The following POU6F2 variants were observed in gnomAD, a reference collection of about 807,000 sequenced individuals.
POU6F2 encodes POU class 6 homeobox 2, also known as POU domain, class 6, transcription factor 2.
A neutral mutation model predicts 71.3 loss-of-function variants in POU6F2; 31 were observed. That is an observed-to-expected ratio of 0.43 (90% confidence interval 0.33 to 0.59). POU6F2 has a LOEUF of 0.59. Ranked by LOEUF, POU6F2 falls within the 20% of genes least tolerant of loss-of-function variation. The probability of loss-of-function intolerance (pLI) is 0.04; values close to 1 mark genes in which losing one functional copy is unlikely to be tolerated. For synonymous variants in POU6F2, 347 were observed against 355.7 expected (o/e 0.98, Z 0.27); for missense variants, 783 against 856.8 (o/e 0.91, Z 1.07).
At chr7:39,193,766 G>C (rs1164980871) in intron 2 of POU6F2, among the ~76,000 whole-genome samples, 3 of 152,208 alleles carry the variant, frequency 2.0e-5, no homozygotes, top group Non-Finnish European at 4.4e-5. Context: ...ATAAAGACGT[G>C]ATCCTGCCAT....
intron 4 of POU6F2, among the ~76,000 whole-genome samples, chr7:39,275,886 T>G (rs999577131): frequency 2.6e-5 from 4 of 151,778 alleles, no homozygotes; most frequent in Non-Finnish European, 5.9e-5. Context: ...CCTTACACCT[T>G]ATACAAAAAT....
intron 8 of POU6F2, among the ~76,000 whole-genome samples, chr7:39,458,784 C>T (rs1047967163): frequency 4.6e-5 from 7 of 152,076 alleles, no homozygotes; most frequent in Non-Finnish European, 1.0e-4. Flanking sequence ...ACTCCTAGCA[C>T]GAACTCCTGC....
At chr7:39,199,386 A>G (rs549243451) in intron 2 of POU6F2, among the ~76,000 whole-genome samples, 10 of 152,368 alleles carry the variant, frequency 6.6e-5, no homozygotes, top group African/African-American at 2.4e-4. Flanking sequence ...AAAAGAGGGA[A>G]CAATTCAAAA....
At chr7:39,367,030 T>G (rs1786515918) in intron 5 of POU6F2, among the ~76,000 whole-genome samples, 1 of 151,910 alleles carries the variant, frequency 6.6e-6, no homozygotes, top group African/African-American at 2.4e-5. Flanking sequence ...TTTACAAAGA[T>G]AGAGGGGGAG....
chr7:39,236,729 T>C (rs1014506631), intron 4 of POU6F2, among the ~76,000 whole-genome samples: 7 of 152,086 alleles, frequency 4.6e-5, no homozygotes, highest in Non-Finnish European at 8.8e-5. Context: ...AAATATCTCA[T>C]ATACAATTCT....
intron 5 of POU6F2, among the ~76,000 whole-genome samples, chr7:39,361,223 G>A (rs1461225020): frequency 2.0e-5 from 3 of 152,130 alleles, no homozygotes; most frequent in Non-Finnish European, 4.4e-5. Flanking sequence ...TCTGCAAAGC[G>A]GACTCCTTGA....
chr7:39,437,265 T>A (rs1234771793), intron 7 of POU6F2, among the ~76,000 whole-genome samples: 8 of 152,230 alleles, frequency 5.3e-5, no homozygotes, highest in Admixed American at 5.2e-4. Flanking sequence ...CTTTTTTTGG[T>A]TGGTAGGCTA....
At chr7:39,194,977 A>G (rs1007778286) in intron 2 of POU6F2, among the ~76,000 whole-genome samples, 19 of 152,276 alleles carry the variant, frequency 1.2e-4, no homozygotes, top group South Asian at 2.1e-4. Context: ...AACTCCGCAC[A>G]CACCATCTTT....
At chr7:39,291,208 T>C (rs1361331114) in intron 4 of POU6F2, among the ~76,000 whole-genome samples, 1 of 152,258 alleles carries the variant, frequency 6.6e-6, no homozygotes, top group East Asian at 1.9e-4. Context: ...CACCACTGTC[T>C]TTCATTTTAG....
intron 6 of POU6F2, among the ~76,000 whole-genome samples, chr7:39,430,030 C>T (rs1049591996): frequency 6.6e-6 from 1 of 152,124 alleles, no homozygotes; most frequent in African/African-American, 2.4e-5. Flanking sequence ...TGGAGGAGTT[C>T]TGATTAGATC....
At chr7:39,070,647 GC>G (rs1790860210) in intron 1 of POU6F2, among the ~76,000 whole-genome samples, 1 of 151,858 alleles carries the variant, frequency 6.6e-6, no homozygotes, top group Admixed American at 6.6e-5. Context: ...CCAGCGCAGG[GC>G]CTTTCCCTCC....
intron 4 of POU6F2, among the ~76,000 whole-genome samples, chr7:39,285,100 A>T (rs1277114826): frequency 6.6e-6 from 1 of 152,348 alleles, no homozygotes; most frequent in East Asian, 1.9e-4. Context: ...CTTGGCCAGA[A>T]AGCGACAAAT....
rs747050187 is a variant in POU6F2 at position 39,464,624 on chromosome 7, C to A, written c.2101C>A (p.His701Asn). The A allele has an allele frequency of 5.0e-6, 8 of 1,608,812 alleles. No homozygotes were observed. The highest frequency in any genetic ancestry group is 6.8e-6 in the Non-Finnish European group (8 of 1,177,750). Reference sequence around the variant, plus strand: ...GAACACAATTAAACGCTTAAAACAGCACGAGCCGGCCACGGCAGTCCCTTT... The same window carrying A: ...GAACACAATTAAACGCTTAAAACAGAACGAGCCGGCCACGGCAGTCCCTTT... Reference protein sequence around the residue: ...LKNTIKRLKQHEPATAVPLEP... With the variant: ...LKNTIKRLKQNEPATAVPLEP... The change falls in exon 10 of 10, where the codon CAC (histidine) becomes AAC (asparagine). Residue 701 changes from histidine (H) to asparagine (N), a missense_variant. His to Asn is a moderately conservative substitution (Grantham distance 68). Around this residue, in one of 2 missense-constraint regions of POU6F2, gnomAD observed 211 missense variants for 283.9 expected, o/e 0.74. Coordinates refer to ENST00000518318, the MANE Select transcript of POU6F2 (RefSeq NM_001370959.1). This position sits in a 1 kb window ranked among gnomAD's most constrained non-coding sequence, Gnocchi z 4.1.
chr7:39,100,995 C>T (rs1036532818), intron 2 of POU6F2, among the ~76,000 whole-genome samples: 2 of 152,020 alleles, frequency 1.3e-5, no homozygotes, highest in Non-Finnish European at 1.5e-5. Context: ...AGCTCTGACC[C>T]GCCTTTCCAC....
At chr7:39,152,144 A>G (rs1176150109) in intron 2 of POU6F2, among the ~76,000 whole-genome samples, 1 of 152,096 alleles carries the variant, frequency 6.6e-6, no homozygotes, top group Non-Finnish European at 1.5e-5. Flanking sequence ...CTGGAGTCCA[A>G]AAGTATCATG....
At chr7:39,427,781 A>G (rs1200259571) in intron 6 of POU6F2, among the ~76,000 whole-genome samples, 1 of 152,216 alleles carries the variant, frequency 6.6e-6, no homozygotes, top group Non-Finnish European at 1.5e-5. Context: ...TTACTTGTCA[A>G]TTTGACGTCT....
chr7:39,027,055 G>A (rs1248210812), intron 1 of POU6F2, among the ~76,000 whole-genome samples: 1 of 152,032 alleles, frequency 6.6e-6, no homozygotes, highest in Admixed American at 6.6e-5. Context: ...GATTGAAAGT[G>A]GTATCAAGTA....
At position 39,204,306 on chromosome 7, in the gene POU6F2, C is replaced by T. The variant is rs753958758; in HGVS notation, c.349C>T (p.Pro117Ser). The T allele has an allele frequency of 9.9e-6, 16 of 1,613,600 alleles. No individual in the cohort carries two copies. The highest frequency in any genetic ancestry group is 1.3e-5 in the African/African-American group (1 of 74,906). Residue 117 changes from proline to serine, a missense_variant, in exon 3 of 10, where the codon CCA becomes TCA. Around this residue, in one of 2 missense-constraint regions of POU6F2, gnomAD observed 572 missense variants for 572.9 expected, o/e 1.00. Coordinates refer to ENST00000518318, the MANE Select transcript of POU6F2 (RefSeq NM_001370959.1). ...DQHQASQTHPPFPVGPQPLLT... is the reference protein window; with the variant it reads ...DQHQASQTHPSFPVGPQPLLT... ...ACACCAGGCCAGTCAGACCCACCCCCCATTTCCAGTTGGGCCACAGGTCAG... is the reference window on the plus strand; with the variant it reads ...ACACCAGGCCAGTCAGACCCACCCCTCATTTCCAGTTGGGCCACAGGTCAG...
chr7:39,121,966 T>A (rs1792052489), intron 2 of POU6F2, among the ~76,000 whole-genome samples: 1 of 152,218 alleles, frequency 6.6e-6, no homozygotes, highest in South Asian at 2.1e-4. Context: ...ACTAAAGTTC[T>A]GGGATTATAG....
Sources: allele counts gnomAD v4.1 joint callset (sites outside exome capture counted in the v4.1 genomes callset), GRCh38; gene constraint gnomAD v4.1.1; regional missense constraint gnomAD v4.1.1; non-coding constraint Gnocchi (gnomAD v3.1); transcripts MANE v1.5; gene names NCBI Gene and HGNC (gene_info 2026-07-23, HGNC 2026-07-21).